Variants in PIP4K2A observed in about 807,000 individuals in gnomAD.
PIP4K2A encodes the protein phosphatidylinositol-5-phosphate 4-kinase type 2 alpha.
Under a neutral mutation model 42.9 loss-of-function variants are expected in PIP4K2A, and 14 were observed. The observed-to-expected ratio is 0.33, with a 90% CI of 0.22 to 0.51. PIP4K2A has a LOEUF of 0.51. PIP4K2A is among the 20% of genes least tolerant of loss of function. The pLI is 0.97. For synonymous variants in PIP4K2A, 192 were observed against 192.2 expected, an observed-to-expected ratio of 1.00 and a Z score of 0.01; for missense variants, 434 against 519.8, an observed-to-expected ratio of 0.83 and a Z score of 1.61.
chr10:22,585,395 G>A (rs2130813121), intron 4 of PIP4K2A, among the ~76,000 whole-genome samples: 1 of 152,122 alleles, frequency 6.6e-6, no homozygotes, highest in African/African-American at 2.4e-5. Flanking sequence ...GATAAGAAAG[G>A]AATTTAAGTC....
intron 1 of PIP4K2A, among the ~76,000 whole-genome samples, chr10:22,630,990 G>A (rs968668038): frequency 4.6e-5 from 7 of 152,220 alleles, no homozygotes; most frequent in Admixed American, 3.3e-4. Context: ...AGAGTAGGTA[G>A]GAACTAAAAT....
At chr10:22,557,083 G>A (rs1433428472) in intron 6 of PIP4K2A, among the ~76,000 whole-genome samples, 2 of 152,160 alleles carry the variant, frequency 1.3e-5, no homozygotes, top group Non-Finnish European at 2.9e-5. Flanking sequence ...AATTACTTAC[G>A]CCCTAGGGTT....
chr10:22,663,931 G>T (rs1033023802), intron 1 of PIP4K2A, among the ~76,000 whole-genome samples: 1 of 148,646 alleles, frequency 6.7e-6, no homozygotes, highest in Admixed American at 6.8e-5. Flanking sequence ...CTTCTAAAAA[G>T]ACATTCCTAA....
At chr10:22,603,538 G>C (rs1342009770) in intron 3 of PIP4K2A, among the ~76,000 whole-genome samples, 1 of 152,118 alleles carries the variant, frequency 6.6e-6, no homozygotes, top group African/African-American at 2.4e-5. Context: ...TACAAATCAA[G>C]ATGCTGGGTT....
At chr10:22,582,891 T>TAAAA (rs57477195) in intron 4 of PIP4K2A, among the ~76,000 whole-genome samples, 45 of 118,540 alleles carry the variant, frequency 3.8e-4, no homozygotes, top group East Asian at 5.1e-4. Context: ...CGTCTTGAAG[T>TAAAA]AAAAAAAAAA....
intron 1 of PIP4K2A, among the ~76,000 whole-genome samples, chr10:22,695,285 T>A (rs989083856): frequency 2.0e-5 from 3 of 152,182 alleles, no homozygotes; most frequent in African/African-American, 7.2e-5. Context: ...AATAATTCAG[T>A]AGTACACACA....
chr10:22,539,308 C>G (rs774542985), intron 9 of PIP4K2A, among the ~76,000 whole-genome samples: 26 of 152,148 alleles, frequency 1.7e-4, no homozygotes, highest in Non-Finnish European at 2.9e-4. Flanking sequence ...AGCAGGTACA[C>G]TACTATCTCT....
At chr10:22,584,134 C>T (rs1421853666) in intron 4 of PIP4K2A, among the ~76,000 whole-genome samples, 2 of 152,036 alleles carry the variant, frequency 1.3e-5, no homozygotes, top group Non-Finnish European at 2.9e-5. Context: ...CAAATTCAGG[C>T]CCCCAGGAAT....
chr10:22,593,026 T>G (rs1186070640), intron 3 of PIP4K2A, among the ~76,000 whole-genome samples: 1 of 152,228 alleles, frequency 6.6e-6, no homozygotes, highest in Non-Finnish European at 1.5e-5. Context: ...CCTTTCTGTC[T>G]AGTATATTCC....
intron 7 of PIP4K2A, among the ~76,000 whole-genome samples, chr10:22,549,978 TAA>T (rs1836363379): frequency 6.6e-6 from 1 of 151,052 alleles, no homozygotes; most frequent in South Asian, 2.1e-4. Flanking sequence ...TATCATAAAC[TAA>T]ATGACAGGAA....
At chr10:22,628,688 T>C (rs1838494037) in intron 1 of PIP4K2A, among the ~76,000 whole-genome samples, 1 of 152,068 alleles carries the variant, frequency 6.6e-6, no homozygotes. Flanking sequence ...AGGTCATAGG[T>C]AGATTGAAAA....
intron 1 of PIP4K2A, among the ~76,000 whole-genome samples, chr10:22,693,046 A>T (rs918611705): frequency 1.3e-5 from 2 of 152,226 alleles, no homozygotes; most frequent in African/African-American, 4.8e-5. Context: ...AGTTCTGCAT[A>T]TCCATTAATT....
chr10:22,703,433 G>A (rs1397993880), intron 1 of PIP4K2A, among the ~76,000 whole-genome samples: 1 of 152,028 alleles, frequency 6.6e-6, no homozygotes, highest in Non-Finnish European at 1.5e-5. Context: ...ATAAATAAAA[G>A]AGGGAAAAAC....
intron 5 of PIP4K2A, among the ~76,000 whole-genome samples, chr10:22,571,068 TG>T (rs1483428901): frequency 6.6e-6 from 1 of 152,230 alleles, no homozygotes; most frequent in African/African-American, 2.4e-5. Context: ...TTCAATATTC[TG>T]TGCAGGAAAT....
chr10:22,601,502 C>T (rs2765994), intron 3 of PIP4K2A, among the ~76,000 whole-genome samples: 82,816 of 152,112 alleles, frequency 0.54, 24,586 homozygotes, highest in East Asian at 0.87. Context: ...AGCCTCAGTG[C>T]GTCTCTGAGC....
chr10:22,557,013 A>T lies in PIP4K2A; in HGVS notation c.679-6241T>A, dbSNP rs147502501. Among the ~76,000 whole-genome samples, 1,217 of 152,318 alleles carry T rather than the reference A, an allele frequency of 8.0e-3. 20 individuals carry two copies. Among genetic ancestry groups the T allele is most frequent in the African/African-American group, 0.026 (1,082 of 41,564 alleles). ...AGTGAGATGCACACTCAGCTGAGTC[A>T]GAGCCTGAAGATAACCAACACACGC... is the stretch of plus-strand genomic sequence containing the variant. On this transcript the variant is annotated intron_variant, in intron 6 of 9. Coordinates refer to ENST00000376573, the MANE Select transcript of PIP4K2A (RefSeq NM_005028.5).
chr10:22,622,379 C>G (rs1366545624), intron 1 of PIP4K2A, among the ~76,000 whole-genome samples: 3 of 152,170 alleles, frequency 2.0e-5, no homozygotes, highest in Admixed American at 2.0e-4. Context: ...GAAACCCCAG[C>G]CCAAGAAGCT....
Position 22,581,599 on chromosome 10 carries a change from A to G in PIP4K2A, c.493-8142T>C, listed in dbSNP as rs548128643. ...AAAAAAAAAAAAAAAAAAAATTAAA[A>G]TATTCCTTTTATTAAGTACCGTTCA... On this transcript the variant is annotated intron_variant, in intron 4 of 9. Transcript: ENST00000376573. Among the ~76,000 whole-genome samples the G allele has an allele frequency of 7.7e-4, 116 of 150,234 alleles. 2 individuals are homozygous for G. The East Asian group carries it at 0.02, about 25-fold the overall frequency.
Position 22,539,888 on chromosome 10 carries a change from AGAGAGAGAGAGAGAGAGAGAGAGG to A in PIP4K2A, c.1140+59_1140+82del, listed in dbSNP as rs1298363964. ...TTACAGGTCACACAGAGGAGCCAGGAGAGAGAGAGAGAGAGAGAGAGAGGGAGAGAGAGAGAGAGAGAGGGAGAG... is the reference window on the plus strand; with the variant it reads ...TTACAGGTCACACAGAGGAGCCAGGAGAGAGAGAGAGAGAGAGAGGGAGAG... On this transcript the variant is annotated intron_variant, in intron 9 of 9. Coordinates refer to ENST00000376573, the MANE Select transcript of PIP4K2A (RefSeq NM_005028.5). The A allele has an allele frequency of 1.7e-4, 102 of 590,296 alleles. 1 individual carries two copies. The highest frequency in any genetic ancestry group is 1.1e-3 in the African/African-American group (30 of 27,826). 36.6% of individuals were successfully genotyped at this position (590,296 alleles called of 1,614,324 possible). A position where few individuals can be genotyped will look rare whatever the true frequency, so the allele number is the denominator to read the frequency against.
Sources: gnomAD v4.1 joint callset for allele counts (sites outside exome capture counted in the v4.1 genomes callset) on GRCh38, gnomAD v4.1.1 for gene constraint, MANE v1.5 for transcripts, NCBI Gene and HGNC (gene_info 2026-07-23, HGNC 2026-07-21) for gene names.